Variants in FAM81A observed in about 807,000 individuals in gnomAD.
FAM81A encodes protein FAM81A.
A neutral mutation model predicts 46.7 loss-of-function variants in FAM81A; 19 were observed. The ratio of observed to expected loss-of-function variants is 0.41; its 90% CI spans 0.28 to 0.60. FAM81A has a LOEUF of 0.60. FAM81A is among the 20% of genes least tolerant of loss of function. The pLI is 0.34. For synonymous variants in FAM81A, 183 were observed against 152.9 expected, an observed-to-expected ratio of 1.20 and a Z score of -1.45; for missense variants, 377 against 453.5, an observed-to-expected ratio of 0.83 and a Z score of 1.53.
intron 3 of FAM81A, among the ~76,000 whole-genome samples, chr15:59,491,772 C>G (rs1333661947): frequency 6.6e-6 from 1 of 152,056 alleles, no homozygotes; most frequent in Non-Finnish European, 1.5e-5. Flanking sequence ...TGGCGAAACC[C>G]CATCTCTACT....
chr15:59,492,092 G>GTC (rs368096115), intron 3 of FAM81A, among the ~76,000 whole-genome samples, 179 bp from the exon 4 acceptor site: 1 of 152,196 alleles, frequency 6.6e-6, no homozygotes, highest in Admixed American at 6.5e-5. Context: ...AGCCTCTAAG[G>GTC]TCTCTCTCTG....
At chr15:59,414,528 T>G (rs1596461579) in intron 2 of FAM81A, among the ~76,000 whole-genome samples, 1 of 152,126 alleles carries the variant, frequency 6.6e-6, no homozygotes, top group Admixed American at 6.5e-5. Flanking sequence ...TAAGTGATTT[T>G]GGAATAAAAA....
At chr15:59,520,272 C>T (rs1216397149) in intron 8 of FAM81A, among the ~76,000 whole-genome samples, 2 of 152,072 alleles carry the variant, frequency 1.3e-5, no homozygotes, top group Admixed American at 6.6e-5. Flanking sequence ...TACAAGTGTT[C>T]CCCTTTCTTC....
At chr15:59,419,414 C>A (rs2081160991) in intron 2 of FAM81A, among the ~76,000 whole-genome samples, 1 of 152,130 alleles carries the variant, frequency 6.6e-6, no homozygotes, top group Non-Finnish European at 1.5e-5. Flanking sequence ...TATGAAATTG[C>A]AACACGTTCA....
intron 4 of FAM81A, among the ~76,000 whole-genome samples, chr15:59,494,004 A>G (rs1427263090): frequency 1.3e-5 from 2 of 152,118 alleles, no homozygotes; most frequent in Admixed American, 6.5e-5. Flanking sequence ...TCACTGCTCT[A>G]TTGAGTCTCT....
chr15:59,482,265 G>A (rs1314656810), intron 3 of FAM81A, among the ~76,000 whole-genome samples: 1 of 152,012 alleles, frequency 6.6e-6, no homozygotes, highest in African/African-American at 2.4e-5. Flanking sequence ...TTTCTGAAGT[G>A]TCTATTTTGT....
rs116890537 is a variant in FAM81A at position 59,407,719 on chromosome 15, G to A, written c.-78+5361G>A. ...AGCCTTCTTATTCTCCACCAAGGTG[G>A]CAATGGTGATAACTCCTGCTCGAAA... On this transcript the variant is annotated intron_variant, in intron 2 of 4. Coordinates refer to the FAM81A transcript ENST00000558348. 188 of 194,266 alleles carry A rather than the reference G, an allele frequency of 9.7e-4. No individual in the cohort carries two copies. The East Asian group carries it at 0.022, about 23-fold the overall frequency. The allele number at this position is 194,266 out of a possible 1,614,324, so 12.0% of individuals were successfully genotyped here.
intron 2 of FAM81A, among the ~76,000 whole-genome samples, chr15:59,430,763 T>C (rs1171972446): frequency 6.6e-6 from 1 of 152,174 alleles, no homozygotes; most frequent in Non-Finnish European, 1.5e-5. Flanking sequence ...ACTATGACGT[T>C]GAAAACTACA....
chr15:59,476,363 C>T (rs549271040), intron 3 of FAM81A, among the ~76,000 whole-genome samples: 33 of 152,128 alleles, frequency 2.2e-4, no homozygotes, highest in Non-Finnish European at 4.9e-4. Flanking sequence ...GCTGGGATTA[C>T]AGGCATGAGC....
At chr15:59,452,731 C>T (rs2081434111) in intron 1 of FAM81A, among the ~76,000 whole-genome samples, 1 of 152,108 alleles carries the variant, frequency 6.6e-6, no homozygotes, top group Non-Finnish European at 1.5e-5. Context: ...TTCGAAAATG[C>T]AGCATACACA....
At chr15:59,502,619 T>G (rs979067419) in intron 4 of FAM81A, among the ~76,000 whole-genome samples, 1 of 151,798 alleles carries the variant, frequency 6.6e-6, no homozygotes, top group Non-Finnish European at 1.5e-5. Context: ...GTTCAAGCGA[T>G]TCTCCTGCTT....
intron 1 of FAM81A, among the ~76,000 whole-genome samples, chr15:59,442,524 G>A (rs1430922602): frequency 6.7e-6 from 1 of 150,288 alleles, no homozygotes; most frequent in African/African-American, 2.5e-5. Flanking sequence ...GGCTGAGGCA[G>A]GAGAATTGCT....
intron 2 of FAM81A, among the ~76,000 whole-genome samples, chr15:59,413,684 G>A (rs2081132664): frequency 6.6e-6 from 1 of 152,132 alleles, no homozygotes. Context: ...ACTTTGCAAA[G>A]CAGTGGCGGG....
intron 3 of FAM81A, among the ~76,000 whole-genome samples, chr15:59,480,255 G>C (rs1428765148): frequency 6.6e-6 from 1 of 152,196 alleles, no homozygotes; most frequent in Non-Finnish European, 1.5e-5. Flanking sequence ...CCTTTCTCTA[G>C]GTGATTTGAA....
rs1431441274 is a variant in FAM81A at position 59,516,714 on chromosome 15, G to C, written c.856G>C (p.Gly286Arg). 1 of 1,613,442 alleles carries C rather than the reference G, an allele frequency of 6.2e-7. No individual in the cohort carries two copies. Among genetic ancestry groups the C allele is most frequent in the Admixed American group, 1.7e-5 (1 of 59,888 alleles). ...MSARLDKIEE[G>R]QKKTFDGQRT... ...AGCCAGGCTTGACAAAATAGAAGAG[G>C]GTCAAAAGAAGACTTTTGATGGTCA... Residue 286 changes from glycine (G) to arginine (R), a missense_variant, in exon 8 of 9, where the codon GGT (glycine) becomes CGT (arginine). Transcript: ENST00000288228.
intron 1 of FAM81A, among the ~76,000 whole-genome samples, chr15:59,398,856 A>G (rs1393388277): frequency 6.7e-6 from 1 of 149,700 alleles, no homozygotes; most frequent in Non-Finnish European, 1.5e-5. Context: ...ATGTCTTCCT[A>G]GTCCAAGCTA....
chr15:59,443,744 C>T lies in FAM81A; in HGVS notation c.-78+5462C>T, dbSNP rs147209288. ...GTCATTGAGTCAAGTTGAGGTGTCC[C>T]CTGCACAGTCTCCCTCCATTCGTCC... is the stretch of plus-strand genomic sequence containing the variant. On this transcript the variant is annotated intron_variant, in intron 1 of 8. Coordinates refer to ENST00000288228, the MANE Select transcript of FAM81A (RefSeq NM_152450.3). 3.5e-3 allele frequency among the ~76,000 whole-genome samples: 539 copies of T among 152,260 alleles called. 4 individuals carry two copies. The highest frequency in any genetic ancestry group is 6.8e-3 in the Middle Eastern group (2 of 294).
At chr15:59,413,523 AG>A (rs1271755931) in intron 2 of FAM81A, among the ~76,000 whole-genome samples, 1 of 151,874 alleles carries the variant, frequency 6.6e-6, no homozygotes, top group Non-Finnish European at 1.5e-5. Flanking sequence ...TTCTTATTTC[AG>A]GGGATATAAT....
At chr15:59,401,840 A>G in intron 1 of FAM81A, 1 of 741,024 alleles carries the variant, frequency 1.3e-6, no homozygotes, top group Non-Finnish European at 2.5e-6. Flanking sequence ...TTTTCTCAGC[A>G]TGGCCCTGTT....
Sources: allele counts gnomAD v4.1 joint callset (sites outside exome capture counted in the v4.1 genomes callset), GRCh38; gene constraint gnomAD v4.1.1; transcripts MANE v1.5; gene names NCBI Gene and HGNC (gene_info 2026-07-23, HGNC 2026-07-21).